Variants in TENT4B observed in about 807,000 individuals in gnomAD.
TENT4B encodes the protein terminal nucleotidyltransferase 4B.
In TENT4B, 10 loss-of-function variants were observed where a neutral mutation model predicts 75.0. The ratio of observed to expected loss-of-function variants is 0.13; its 90% CI spans 0.08 to 0.23. The LOEUF is 0.23. Among genes scored for constraint, TENT4B ranks in the 10% least tolerant of loss-of-function variants. TENT4B has a pLI of 1.00. For synonymous variants in TENT4B, 350 were observed against 357.7 expected, an observed-to-expected ratio of 0.98 and a Z score of 0.24; for missense variants, 579 against 893.8, an observed-to-expected ratio of 0.65 and a Z score of 4.49.
At chr16:50,228,045 A>C (rs1451270184) in intron 11 of TENT4B, 42 bp downstream of exon 11, 1 of 1,577,920 alleles carries the variant, frequency 6.3e-7, no homozygotes. Context: ...ATTTGATACA[A>C]AATATTTAGA....
chr16:50,188,427 C>G (rs1460742187), intron 1 of TENT4B, among the ~76,000 whole-genome samples: 1 of 152,192 alleles, frequency 6.6e-6, no homozygotes, highest in Non-Finnish European at 1.5e-5. Flanking sequence ...TATTGTTTGG[C>G]CTTAGCCTGA....
At chr16:50,183,456 C>A (rs1219213736) in intron 1 of TENT4B, among the ~76,000 whole-genome samples, 1 of 149,806 alleles carries the variant, frequency 6.7e-6, no homozygotes, top group Non-Finnish European at 1.5e-5. Flanking sequence ...TGTTGTCATA[C>A]TTTGAAGGTT....
intron 1 of TENT4B, among the ~76,000 whole-genome samples, chr16:50,168,465 T>A (rs1478539091): frequency 7.2e-6 from 1 of 138,260 alleles, no homozygotes; most frequent in Non-Finnish European, 1.5e-5. Flanking sequence ...CACACCCAGC[T>A]AATTTTTTTT....
intron 1 of TENT4B, among the ~76,000 whole-genome samples, chr16:50,168,247 GTTGT>G (rs983665847): frequency 5.3e-5 from 8 of 151,628 alleles, no homozygotes; most frequent in Admixed American, 1.3e-4. Flanking sequence ...TTCTTTTGGA[GTTGT>G]TTGTCTTTTT....
chr16:50,224,861 C>A, intron 8 of TENT4B, 30 bp from the exon 9 acceptor site: 1 of 1,611,476 alleles, frequency 6.2e-7, no homozygotes, highest in African/African-American at 1.3e-5. Context: ...GTTATTCCCT[C>A]CCTCTCCCTT....
At chr16:50,164,758 G>T (rs1373327109) in intron 1 of TENT4B, among the ~76,000 whole-genome samples, 1 of 152,028 alleles carries the variant, frequency 6.6e-6, no homozygotes, top group African/African-American at 2.4e-5. Context: ...GGTTTTACTG[G>T]GCTGGGCATG....
intron 1 of TENT4B, among the ~76,000 whole-genome samples, chr16:50,204,644 G>A (rs989069769): frequency 6.6e-6 from 1 of 152,102 alleles, no homozygotes; most frequent in Admixed American, 6.6e-5. Flanking sequence ...TGAGTCACTC[G>A]CTTCTCTTGG....
intron 1 of TENT4B, among the ~76,000 whole-genome samples, chr16:50,194,275 G>C (rs1308242876): frequency 6.7e-6 from 1 of 149,246 alleles, no homozygotes; most frequent in South Asian, 2.1e-4. Flanking sequence ...GAGTGCAATG[G>C]TGCAATCTCA....
At chr16:50,203,552 TGCA>T (rs1366412977) in intron 1 of TENT4B, among the ~76,000 whole-genome samples, 3 of 152,216 alleles carry the variant, frequency 2.0e-5, no homozygotes, top group Admixed American at 6.5e-5. Flanking sequence ...TCTGTGCACA[TGCA>T]GACTTCCTTT....
chr16:50,220,092 G>A (rs1356550671), intron 5 of TENT4B, among the ~76,000 whole-genome samples: 1 of 151,722 alleles, frequency 6.6e-6, no homozygotes, highest in South Asian at 2.1e-4. Flanking sequence ...AGGTTCAAGC[G>A]ATTCTCCTGC....
chr16:50,154,381 G>A (rs993282818), intron 1 of TENT4B, 122 bp downstream of exon 1: 1 of 1,324,082 alleles, frequency 7.6e-7, no homozygotes, highest in African/African-American at 1.5e-5. Flanking sequence ...CTTCGCTGCT[G>A]TTGCACGGGG....
rs1383184226 is a variant in TENT4B at position 50,234,329 on chromosome 16, A to G, written c.*5001A>G. The stretch of plus-strand genomic sequence containing the variant: ...TGGAATTGGGTAGGGGAGGGAAAGG[A>G]GGACTTGGAAAAGCATTCTCCAAAG... On this transcript the variant is annotated 3_prime_UTR_variant, in exon 12 of 12. Transcript: ENST00000561678. 1 of 979,286 alleles carries G rather than the reference A, an allele frequency of 1.0e-6. No individual in the cohort carries two copies. Among genetic ancestry groups the G allele is most frequent in the Non-Finnish European group, 1.2e-6 (1 of 828,070 alleles). The allele number at this position is 979,286 out of a possible 1,614,324, so 60.7% of individuals were successfully genotyped here.
Position 50,177,112 on chromosome 16 carries a change from C to T in TENT4B, c.638+22853C>T, listed in dbSNP as rs1057070218. On this transcript the variant is annotated intron_variant, in intron 1 of 11. Coordinates refer to ENST00000561678, the MANE Select transcript of TENT4B (RefSeq NM_001365324.3). ...CTGCCTCCCAGGTTCAAGTGATTCT[C>T]CTGCCTCAGTCTCCTGAGTAGCTAG... Among the ~76,000 whole-genome samples, 5 of 151,850 alleles carry T rather than the reference C, an allele frequency of 3.3e-5. No individual in the cohort carries two copies. The South Asian group carries it at 6.2e-4, about 19-fold the overall frequency.
intron 1 of TENT4B, among the ~76,000 whole-genome samples, chr16:50,174,313 G>C (rs2150686697): frequency 2.0e-5 from 3 of 152,166 alleles, no homozygotes; most frequent in Admixed American, 2.0e-4. Context: ...GGCCAGGCTG[G>C]TCTTGGACTC....
chr16:50,153,144 G>C (rs2037794170), upstream of TENT4B: 1 of 660,306 alleles, frequency 1.5e-6, no homozygotes, highest in East Asian at 5.0e-5. Flanking sequence ...CTGCTGCGCG[G>C]CGCAGCGGGG....
At chr16:50,178,360 G>T (rs2038349214) in intron 1 of TENT4B, among the ~76,000 whole-genome samples, 1 of 151,592 alleles carries the variant, frequency 6.6e-6, no homozygotes, top group East Asian at 1.9e-4. Context: ...TGGGAGGATT[G>T]CTTGAGCCCT....
At chr16:50,213,121 A>G (rs1227039543) in intron 2 of TENT4B, among the ~76,000 whole-genome samples, 2 of 151,682 alleles carry the variant, frequency 1.3e-5, no homozygotes, top group African/African-American at 2.4e-5. Flanking sequence ...GTGCAGTGAC[A>G]TGATCTCAGC....
At chr16:50,216,396 T>G (rs964360966) in intron 4 of TENT4B, among the ~76,000 whole-genome samples, 3 of 152,246 alleles carry the variant, frequency 2.0e-5, no homozygotes, top group Non-Finnish European at 4.4e-5. Context: ...CTACAACCTG[T>G]GCCTCCTCGG....
Position 50,182,891 on chromosome 16 carries a change from C to CTTTTTTTTTTTTTTTTTTTTTTTTT in TENT4B, c.639-28425_639-28401dup, listed in dbSNP as rs869060811. 6.0e-4 allele frequency among the ~76,000 whole-genome samples: 22 copies of CTTTTTTTTTTTTTTTTTTTTTTTTT among 36,468 alleles called. 7 individuals are homozygous for CTTTTTTTTTTTTTTTTTTTTTTTTT. Among genetic ancestry groups the CTTTTTTTTTTTTTTTTTTTTTTTTT allele is most frequent in the East Asian group, 4.7e-3 (4 of 848 alleles). 23.9% of individuals were successfully genotyped at this position (36,468 alleles called of 152,430 possible). A position where few individuals can be genotyped will look rare whatever the true frequency, so the allele number is the denominator to read the frequency against. ...CCAAGTACAGCAAGTTTTATTTTAC[C>CTTTTTTTTTTTTTTTTTTTTTTTTT]TTTTTTTTTTTTTTTTTTTTTTTTT... is the stretch of plus-strand genomic sequence containing the variant. On this transcript the variant is annotated intron_variant, in intron 1 of 11. Transcript: ENST00000561678.
Sources: allele counts gnomAD v4.1 joint callset (sites outside exome capture counted in the v4.1 genomes callset), GRCh38; gene constraint gnomAD v4.1.1; transcripts MANE v1.5; gene names NCBI Gene and HGNC (gene_info 2026-07-23, HGNC 2026-07-21).